The following TRHDE variants were observed in gnomAD, a reference collection of about 807,000 sequenced individuals.
TRHDE encodes thyrotropin-releasing hormone-degrading ectoenzyme.
TRHDE carries 72 observed loss-of-function variants against 125.7 expected under a neutral mutation model. The ratio of observed to expected loss-of-function variants is 0.57; its 90% CI spans 0.47 to 0.70. The LOEUF (loss-of-function observed/expected upper bound fraction) is 0.70, where lower values mean the gene tolerates loss of function less well. TRHDE is among the 30% of genes least tolerant of loss of function. The probability of loss-of-function intolerance (pLI) is 0.00; values close to 1 mark genes in which losing one functional copy is unlikely to be tolerated. For missense variants in TRHDE, 1,110 were observed against 1,327.1 expected, an observed-to-expected ratio of 0.84 and a Z score of 2.54; for synonymous variants, 509 against 509.1, an observed-to-expected ratio of 1.00 and a Z score of 0.00.
At chr12:72,562,826 C>A in intron 8 of TRHDE, 27 bp from the exon 9 acceptor site, 3 of 1,430,214 alleles carry the variant, frequency 2.1e-6, no homozygotes, top group East Asian at 2.4e-5. Context: ...GTTTATAAAA[C>A]TAATTTGTAC....
At position 72,378,250 on chromosome 12, in the gene TRHDE, A is replaced by C. The variant is rs191758345; in HGVS notation, c.1315+129A>C. 875 of 970,508 alleles carry C rather than the reference A, an allele frequency of 9.0e-4. 2 individuals are homozygous for C. The highest frequency in any genetic ancestry group is 2.1e-3 in the Admixed American group (68 of 33,158). 60.1% of individuals were successfully genotyped at this position (970,508 alleles called of 1,614,324 possible). On this transcript the variant is annotated intron_variant, in intron 3 of 18. Transcript: ENST00000261180. The stretch of plus-strand genomic sequence containing the variant: ...TATATTTTTAGAGAAGATAAGCACA[A>C]AAAAAAATTTCTTTTGAAGAGGTAA...
At chr12:72,530,538 TCAGG>T (rs1179175287) in intron 6 of TRHDE, among the ~76,000 whole-genome samples, 1 of 150,614 alleles carries the variant, frequency 6.6e-6, no homozygotes, top group Non-Finnish European at 1.5e-5. Flanking sequence ...GACCTATTCT[TCAGG>T]TTTTTTTTTT....
At chr12:72,507,891 C>T (rs1367931957) in intron 6 of TRHDE, among the ~76,000 whole-genome samples, 1 of 152,206 alleles carries the variant, frequency 6.6e-6, no homozygotes, top group African/African-American at 2.4e-5. Flanking sequence ...TGGGACATGG[C>T]ACCCTGCATT....
intron 3 of TRHDE, among the ~76,000 whole-genome samples, chr12:72,429,512 A>G (rs1397100434): frequency 1.3e-5 from 2 of 151,876 alleles, no homozygotes; most frequent in South Asian, 2.1e-4. Context: ...TATTCTGTGG[A>G]TATGTATTTT....
At chr12:72,286,616 G>C in intron 1 of TRHDE, 65 bp from the exon 2 acceptor site, 1 of 1,431,460 alleles carries the variant, frequency 7.0e-7, no homozygotes, top group Non-Finnish European at 9.6e-7. Flanking sequence ...ACAGAAGCAT[G>C]TAATGTGGCC....
At chr12:72,447,263 G>A (rs1007461511) in intron 3 of TRHDE, among the ~76,000 whole-genome samples, 6 of 151,936 alleles carry the variant, frequency 3.9e-5, no homozygotes, top group African/African-American at 1.2e-4. Flanking sequence ...CTCCTGAATG[G>A]CTACTGGGTA....
At chr12:72,283,441 G>A (rs938211806) in intron 1 of TRHDE, among the ~76,000 whole-genome samples, 1 of 152,136 alleles carries the variant, frequency 6.6e-6, no homozygotes, top group African/African-American at 2.4e-5. Context: ...ATCTTCAGGT[G>A]CCAGACTGTG....
At chr12:72,112,921 T>G (rs1454988712) in intron 2 of TRHDE, among the ~76,000 whole-genome samples, 1 of 152,230 alleles carries the variant, frequency 6.6e-6, no homozygotes, top group Non-Finnish European at 1.5e-5. Flanking sequence ...AGTAGGGATC[T>G]CACCAAAGGG....
chr12:72,267,146 A>C (rs1157505595), intron 2 of TRHDE, among the ~76,000 whole-genome samples: 1 of 152,092 alleles, frequency 6.6e-6, no homozygotes, highest in Non-Finnish European at 1.5e-5. Flanking sequence ...TTCTGGAACA[A>C]GAGTTAATTT....
At chr12:72,626,595 A>G (rs546156297) in intron 15 of TRHDE, among the ~76,000 whole-genome samples, 1 of 152,048 alleles carries the variant, frequency 6.6e-6, no homozygotes, top group African/African-American at 2.4e-5. Context: ...CCTATTTTGA[A>G]GAACAGTGCC....
chr12:72,214,602 G>T (rs1024852232), intron 2 of TRHDE, among the ~76,000 whole-genome samples: 3 of 152,036 alleles, frequency 2.0e-5, no homozygotes, highest in Non-Finnish European at 4.4e-5. Context: ...CATTTGAATG[G>T]ATCTTTACAA....
intron 9 of TRHDE, among the ~76,000 whole-genome samples, chr12:72,564,364 A>T (rs1870330883): frequency 6.6e-6 from 1 of 152,280 alleles, no homozygotes; most frequent in South Asian, 2.1e-4. Flanking sequence ...CCTTGCCAGG[A>T]AGTACATAAA....
chr12:72,490,159 A>C (rs1877597391), intron 5 of TRHDE, among the ~76,000 whole-genome samples: 1 of 151,878 alleles, frequency 6.6e-6, no homozygotes. Context: ...AAATAATTGA[A>C]AAATGAGCAG....
At chr12:72,614,330 ATTTTTTTTT>A in intron 12 of TRHDE, among the ~76,000 whole-genome samples, 1 of 129,842 alleles carries the variant, frequency 7.7e-6, no homozygotes, top group African/African-American at 3.1e-5. Flanking sequence ...ATATATATAT[ATTTTTTTTT>A]TCTCTAGAAA....
chr12:72,661,898 G>A (rs1191384075), intron 18 of TRHDE, among the ~76,000 whole-genome samples: 2 of 152,162 alleles, frequency 1.3e-5, no homozygotes, highest in Admixed American at 6.6e-5. Context: ...CTGAGATACA[G>A]TTATCCATTG....
chr12:72,517,823 C>G lies in TRHDE; in HGVS notation c.1722+18188C>G, dbSNP rs954479051. On this transcript the variant is annotated intron_variant, in intron 6 of 18. Transcript: ENST00000261180. ...CTCTACACACTGCTTTGAATGCGTC[C>G]CAGAGATTCTGGTATGTTGTGTCTT... 3.3e-5 allele frequency among the ~76,000 whole-genome samples: 5 copies of G among 151,722 alleles called. No homozygotes were observed. In the East Asian group the frequency reaches 9.7e-4, roughly 29 times the overall value.
intron 2 of TRHDE, among the ~76,000 whole-genome samples, chr12:72,106,274 A>C (rs1343378232): frequency 3.3e-5 from 5 of 152,178 alleles, no homozygotes; most frequent in East Asian, 1.9e-4. Context: ...AAAATATTGA[A>C]ATTGTCTACT....
At chr12:72,126,100 C>T (rs76624690) in intron 2 of TRHDE, among the ~76,000 whole-genome samples, 2,449 of 152,200 alleles carry the variant, frequency 0.016, 49 homozygotes, top group African/African-American at 0.055. Flanking sequence ...AAAGAATCAT[C>T]AAAAATAATT....
intron 3 of TRHDE, among the ~76,000 whole-genome samples, chr12:72,427,314 C>A (rs1425445817): frequency 6.6e-6 from 1 of 152,024 alleles, no homozygotes; most frequent in Non-Finnish European, 1.5e-5. Flanking sequence ...CTTTCTTCTC[C>A]CCTAGAACTC....
Sources: gnomAD v4.1 joint callset for allele counts (sites outside exome capture counted in the v4.1 genomes callset) on GRCh38, gnomAD v4.1.1 for gene constraint, MANE v1.5 for transcripts, NCBI Gene and HGNC (gene_info 2026-07-23, HGNC 2026-07-21) for gene names.